The following MACROD2 variants were observed in gnomAD, a reference collection of about 807,000 sequenced individuals.
The protein encoded by MACROD2 is mono-ADP ribosylhydrolase 2.
A neutral mutation model predicts 70.4 loss-of-function variants in MACROD2; 36 were observed. The observed-to-expected ratio is 0.51, with a 90% CI of 0.39 to 0.68. MACROD2 has a LOEUF of 0.68. MACROD2 is among the 30% of genes least tolerant of loss of function. The pLI is 0.00. For synonymous variants in MACROD2, 172 were observed against 178.8 expected, an observed-to-expected ratio of 0.96 and a Z score of 0.30; for missense variants, 496 against 538.4, an observed-to-expected ratio of 0.92 and a Z score of 0.78.
intron 7 of MACROD2, among the ~76,000 whole-genome samples, chr20:15,441,638 ATAAT>A (rs973315717): frequency 4.6e-5 from 7 of 152,150 alleles, no homozygotes; most frequent in Admixed American, 6.5e-5. Context: ...AAAATTAAAA[ATAAT>A]TAAGTGATTC....
chr20:15,510,590 C>G (rs1010638629), intron 8 of MACROD2, among the ~76,000 whole-genome samples: 2 of 152,294 alleles, frequency 1.3e-5, no homozygotes, highest in Non-Finnish European at 2.9e-5. Context: ...CATTGTTTCT[C>G]TAATCACGTC....
intron 3 of MACROD2, among the ~76,000 whole-genome samples, chr20:14,488,004 T>C (rs2084754940): frequency 6.6e-6 from 1 of 152,216 alleles, no homozygotes; most frequent in Non-Finnish European, 1.5e-5. Flanking sequence ...AGGTGCTTTC[T>C]GGTTTTATTG....
rs534836489 is a variant in MACROD2, at chr20:14,782,474, A to G, written c.418+97515A>G. 2.6e-5 allele frequency among the ~76,000 whole-genome samples: 4 copies of G among 152,256 alleles called. No individual in the cohort carries two copies. In the South Asian group the frequency reaches 6.2e-4, roughly 24 times the overall value. On this transcript the variant is annotated intron_variant, in intron 5 of 17. Coordinates refer to ENST00000684519, the MANE Select transcript of MACROD2 (RefSeq NM_001351661.2). ...GTTCTAACCCCAGTTTTTCAACTTC[A>G]TAACTAAGATATGTAGTTGAAGATT... is the stretch of plus-strand genomic sequence containing the variant.
chr20:14,513,774 T>C (rs2123154911), intron 4 of MACROD2, among the ~76,000 whole-genome samples: 1 of 152,224 alleles, frequency 6.6e-6, no homozygotes. Context: ...TCATATGGAT[T>C]GATTATATAT....
intron 7 of MACROD2, among the ~76,000 whole-genome samples, chr20:15,443,428 G>A (rs777067919): frequency 4.6e-5 from 7 of 152,220 alleles, no homozygotes; most frequent in South Asian, 2.1e-4. Context: ...CATTTCAGCC[G>A]TGAACAACAG....
intron 3 of MACROD2, among the ~76,000 whole-genome samples, chr20:14,311,869 C>G (rs2082570626): frequency 6.6e-6 from 1 of 152,064 alleles, no homozygotes; most frequent in South Asian, 2.1e-4. Flanking sequence ...ACCACTGTTA[C>G]CACCCAAATT....
intron 5 of MACROD2, among the ~76,000 whole-genome samples, chr20:14,837,029 T>C (rs749399724): frequency 1.3e-5 from 2 of 151,788 alleles, no homozygotes; most frequent in Non-Finnish European, 2.9e-5. Context: ...TAGAAAGATA[T>C]AATGTATTGA....
chr20:15,540,005 C>G (rs1020931440), intron 8 of MACROD2, among the ~76,000 whole-genome samples: 1 of 152,106 alleles, frequency 6.6e-6, no homozygotes, highest in African/African-American at 2.4e-5. Flanking sequence ...AAAGAAGGTA[C>G]TTGATGGACA....
chr20:15,487,219 C>A (rs372167139), intron 7 of MACROD2, among the ~76,000 whole-genome samples: 2 of 152,050 alleles, frequency 1.3e-5, no homozygotes, highest in African/African-American at 4.8e-5. Flanking sequence ...CAAAGATAAG[C>A]GAAGAATTGG....
At chr20:14,916,813 T>G (rs1032556418) in intron 5 of MACROD2, among the ~76,000 whole-genome samples, 4 of 152,116 alleles carry the variant, frequency 2.6e-5, no homozygotes, top group East Asian at 1.9e-4. Context: ...TCCCTGCCTC[T>G]AGTTAAATTC....
chr20:14,111,006 A>G (rs1031204068), intron 3 of MACROD2, among the ~76,000 whole-genome samples: 1 of 152,074 alleles, frequency 6.6e-6, no homozygotes, highest in Non-Finnish European at 1.5e-5. Flanking sequence ...CCAAAACAGC[A>G]TGGTGCTGGC....
Position 14,286,553 on chromosome 20 carries a change from CTATTT to C in MACROD2, c.271+200829_271+200833del, listed in dbSNP as rs71335952. ...TTTTAATCATCTTTTGAATTATTGA[CTATTT>C]TATGGTGTCTCATAATAGCAATTTC... On this transcript the variant is annotated intron_variant, in intron 3 of 17. Transcript: ENST00000684519. 3.0e-3 allele frequency among the ~76,000 whole-genome samples: 452 copies of C among 152,168 alleles called. 1 individual carries two copies. Among genetic ancestry groups the C allele is most frequent in the Non-Finnish European group, 5.0e-3 (337 of 67,960 alleles).
At chr20:16,005,070 A>T (rs111725416) in intron 15 of MACROD2, among the ~76,000 whole-genome samples, 4 of 152,188 alleles carry the variant, frequency 2.6e-5, no homozygotes, top group Non-Finnish European at 5.9e-5. Flanking sequence ...AAATGAAGAT[A>T]AAAATTCCCC....
intron 4 of MACROD2, among the ~76,000 whole-genome samples, chr20:14,679,663 T>G (rs1375638287): frequency 6.6e-6 from 1 of 152,212 alleles, no homozygotes; most frequent in Non-Finnish European, 1.5e-5. Context: ...GGGTATTACC[T>G]TTTTGTCTTT....
chr20:14,386,060 T>C (rs2122786251), intron 3 of MACROD2, among the ~76,000 whole-genome samples: 1 of 152,340 alleles, frequency 6.6e-6, no homozygotes, highest in African/African-American at 2.4e-5. Context: ...GTGAGGCCCT[T>C]TGTTAAATGC....
At chr20:14,695,916 C>A (rs777952101) in intron 5 of MACROD2, among the ~76,000 whole-genome samples, 2 of 152,148 alleles carry the variant, frequency 1.3e-5, no homozygotes, top group African/African-American at 2.4e-5. Flanking sequence ...TGTTACGTAG[C>A]AATAGGTAGC....
chr20:14,893,826 C>T (rs1233580252), intron 5 of MACROD2: 4 of 152,066 alleles, frequency 2.6e-5, no homozygotes, highest in African/African-American at 9.7e-5. Context: ...GCTCTGTTGC[C>T]CAGGCTGGAA....
rs73267396 is a variant in MACROD2, at chr20:14,062,207, T to C, written c.164-23414T>C. Among the ~76,000 whole-genome samples, 301 of 152,302 alleles carry C rather than the reference T, an allele frequency of 2.0e-3. 1 individual carries two copies. The highest frequency in any genetic ancestry group is 6.5e-3 in the African/African-American group (272 of 41,578). The stretch of plus-strand genomic sequence containing the variant: ...AAAGTGTCCTTTGTTTTAGCTTCTT[T>C]GTTCCATTCTTTCCTGACATGTTCC... On this transcript the variant is annotated intron_variant, in intron 2 of 17. Transcript: ENST00000684519.
chr20:14,213,130 A>G lies in MACROD2; in HGVS notation c.271+127402A>G, dbSNP rs181591950. Among the ~76,000 whole-genome samples, 196 of 152,076 alleles carry G rather than the reference A, an allele frequency of 1.3e-3. 1 individual carries two copies. The highest frequency in any genetic ancestry group is 5.6e-3 in the Admixed American group (85 of 15,242). ...TTAATTCATAAGTATTATATTTAGC[A>G]CTGTAATATTTAATATTGATGTTAC... On this transcript the variant is annotated intron_variant, in intron 3 of 17. Coordinates refer to ENST00000684519, the MANE Select transcript of MACROD2 (RefSeq NM_001351661.2).
Sources: gnomAD v4.1 joint callset for allele counts (sites outside exome capture counted in the v4.1 genomes callset) on GRCh38, gnomAD v4.1.1 for gene constraint, MANE v1.5 for transcripts, NCBI Gene and HGNC (gene_info 2026-07-23, HGNC 2026-07-21) for gene names.